Variants in PAWR observed in about 807,000 individuals in gnomAD.
PAWR encodes pro-apoptotic WT1 regulator, also known as PRKC apoptosis WT1 regulator protein.
A neutral mutation model predicts 32.0 loss-of-function variants in PAWR; 23 were observed. That is an observed-to-expected ratio of 0.72 (90% CI 0.52 to 1.02). The LOEUF (loss-of-function observed/expected upper bound fraction) is 1.02, where lower values mean the gene tolerates loss of function less well. Ranked by LOEUF, PAWR falls within the 50% of genes least tolerant of loss-of-function variation. PAWR has a pLI of 0.00. For missense variants in PAWR, 457 were observed against 437.7 expected (o/e 1.04, Z -0.39); for synonymous variants, 226 against 187.1 (o/e 1.21, Z -1.70).
intron 2 of PAWR, among the ~76,000 whole-genome samples, chr12:79,658,886 C>T (rs1041098308): frequency 1.3e-5 from 2 of 151,268 alleles, no homozygotes; most frequent in African/African-American, 4.9e-5. Flanking sequence ...GTCTTGAACT[C>T]GTGACTTCAA....
At chr12:79,593,122 C>G (rs1004160174) in intron 6 of PAWR, among the ~76,000 whole-genome samples, 2 of 151,820 alleles carry the variant, frequency 1.3e-5, no homozygotes, top group African/African-American at 4.8e-5. Flanking sequence ...TCAAAAGGTG[C>G]AGGTACAAGT....
At chr12:79,677,230 G>A (rs1283868520) in intron 2 of PAWR, among the ~76,000 whole-genome samples, 1 of 152,188 alleles carries the variant, frequency 6.6e-6, no homozygotes, top group Non-Finnish European at 1.5e-5. Flanking sequence ...TAACACATCT[G>A]TGATGTTTGT....
At chr12:79,661,614 T>C (rs1877355239) in intron 2 of PAWR, among the ~76,000 whole-genome samples, 1 of 152,156 alleles carries the variant, frequency 6.6e-6, no homozygotes, top group Non-Finnish European at 1.5e-5. Context: ...GTTAGTAACA[T>C]TTTACACTTA....
chr12:79,620,854 G>A (rs895542132), intron 3 of PAWR, among the ~76,000 whole-genome samples: 3 of 152,116 alleles, frequency 2.0e-5, no homozygotes, highest in African/African-American at 7.2e-5. Flanking sequence ...AGGCCCTACA[G>A]AACAGCCTAT....
intron 2 of PAWR, among the ~76,000 whole-genome samples, chr12:79,654,254 G>C (rs1427403229): frequency 6.6e-6 from 1 of 152,124 alleles, no homozygotes; most frequent in Non-Finnish European, 1.5e-5. Flanking sequence ...GCAAAGTGTG[G>C]GGGAGTTAGG....
In PAWR at chr12:79,589,732, C is replaced by A. The variant is rs1326576002; in HGVS notation, c.*2875G>T. ...CATTTCAGAAATCAAGGAGGCAAGT[C>A]ATGTTCATTTTAAAGATGACAAACT... On this transcript the variant is annotated 3_prime_UTR_variant, in exon 7 of 7. Coordinates refer to ENST00000328827, the MANE Select transcript of PAWR (RefSeq NM_002583.4). 5 of 152,106 alleles carry A rather than the reference C, an allele frequency of 3.3e-5. No individual in the cohort carries two copies. The highest frequency in any genetic ancestry group is 5.9e-5 in the Non-Finnish European group (4 of 67,996). The allele number at this position is 152,106 out of a possible 1,614,324, so 9.4% of individuals were successfully genotyped here.
At chr12:79,632,855 C>T (rs1034741784) in intron 2 of PAWR, among the ~76,000 whole-genome samples, 32 of 152,152 alleles carry the variant, frequency 2.1e-4, no homozygotes, top group African/African-American at 7.5e-4. Context: ...CTATCATAGC[C>T]GGACACGGTG....
At chr12:79,610,239 T>C (rs1874372939) in intron 4 of PAWR, among the ~76,000 whole-genome samples, 1 of 152,250 alleles carries the variant, frequency 6.6e-6, no homozygotes, top group Non-Finnish European at 1.5e-5. Flanking sequence ...CTTCTGTGTA[T>C]TCCTATGCAG....
intron 2 of PAWR, among the ~76,000 whole-genome samples, chr12:79,654,934 G>A (rs1418780253): frequency 5.9e-5 from 9 of 152,062 alleles, no homozygotes; most frequent in Non-Finnish European, 1.3e-4. Flanking sequence ...TTACCACTTG[G>A]GTACTGGGGA....
At chr12:79,661,664 C>T (rs1237597497) in intron 2 of PAWR, among the ~76,000 whole-genome samples, 2 of 152,144 alleles carry the variant, frequency 1.3e-5, no homozygotes, top group African/African-American at 4.8e-5. Context: ...AAGTTTGATT[C>T]ATTTTAAAGA....
At chr12:79,636,806 T>G (rs1875981431) in intron 2 of PAWR, among the ~76,000 whole-genome samples, 3 of 152,142 alleles carry the variant, frequency 2.0e-5, no homozygotes, top group Non-Finnish European at 4.4e-5. Flanking sequence ...TTCAGAATCC[T>G]TAAAAAAATT....
chr12:79,594,195 C>T (rs1035142403), intron 6 of PAWR, 134 bp downstream of exon 6: 2 of 532,448 alleles, frequency 3.8e-6, no homozygotes, highest in East Asian at 3.3e-5. Flanking sequence ...GAAAATGATA[C>T]CTCTTACTAA....
chr12:79,667,057 C>T (rs945931343), intron 2 of PAWR, among the ~76,000 whole-genome samples: 7 of 152,208 alleles, frequency 4.6e-5, no homozygotes, highest in Admixed American at 1.3e-4. Flanking sequence ...GTACATCTTA[C>T]ATGATGTCTC....
At chr12:79,689,649 C>T in intron 2 of PAWR, 80 bp downstream of exon 2, 2 of 1,464,610 alleles carry the variant, frequency 1.4e-6, no homozygotes, top group Non-Finnish European at 1.8e-6. Context: ...CTCTGCGCCC[C>T]GGGTAGCTCC....
At chr12:79,622,115 T>C (rs1446529898) in intron 2 of PAWR, among the ~76,000 whole-genome samples, 7 of 148,960 alleles carry the variant, frequency 4.7e-5, no homozygotes, top group Non-Finnish European at 7.4e-5. Flanking sequence ...GTGAAGACAA[T>C]AGGAATTGGA....
intron 2 of PAWR, among the ~76,000 whole-genome samples, chr12:79,642,643 T>C (rs998087415): frequency 6.6e-6 from 1 of 152,200 alleles, no homozygotes; most frequent in Admixed American, 6.5e-5. Flanking sequence ...ACTGGCTTTA[T>C]AGTCTCACTC....
chr12:79,608,415 T>A (rs1272181080), intron 4 of PAWR, among the ~76,000 whole-genome samples: 2 of 152,066 alleles, frequency 1.3e-5, no homozygotes, highest in African/African-American at 2.4e-5. Context: ...CAGTTCACAA[T>A]AGGGTTCGCG....
rs1437985721 is a variant in PAWR, at chr12:79,632,341, ATATATATATATATATATATATT to A, written c.517-11156_517-11135del. ...TATATATATATATATATATATATATATATATATATATATATATATATTTTTTTTTTTTTTTAGACAGGGTCTT... is the reference window on the plus strand; with the variant it reads ...TATATATATATATATATATATATATATTTTTTTTTTTTTAGACAGGGTCTT... On this transcript the variant is annotated intron_variant, in intron 2 of 6. Transcript: ENST00000328827. 1.4e-3 allele frequency among the ~76,000 whole-genome samples: 82 copies of A among 57,004 alleles called. 6 individuals carry two copies. The East Asian group carries it at 0.024, about 16-fold the overall frequency. 37.4% of individuals were successfully genotyped at this position (57,004 alleles called of 152,430 possible). A position where few individuals can be genotyped will look rare whatever the true frequency, so the allele number is the denominator to read the frequency against.
intron 5 of PAWR, among the ~76,000 whole-genome samples, chr12:79,596,210 C>T (rs1422194525): frequency 6.6e-6 from 1 of 152,112 alleles, no homozygotes; most frequent in Non-Finnish European, 1.5e-5. Flanking sequence ...TATTCTTAGA[C>T]AAAATTGTTT....
Sources: gnomAD v4.1 joint callset for allele counts (sites outside exome capture counted in the v4.1 genomes callset) on GRCh38, gnomAD v4.1.1 for gene constraint, MANE v1.5 for transcripts, NCBI Gene and HGNC (gene_info 2026-07-23, HGNC 2026-07-21) for gene names.